SHANK2: variants seen among roughly 807,000 people sequenced by gnomAD.
SHANK2 encodes SH3 and multiple ankyrin repeat domains protein 2.
In SHANK2, 43 loss-of-function variants were observed where a neutral mutation model predicts 133.7. The ratio of observed to expected loss-of-function variants is 0.32; its 90% CI spans 0.25 to 0.41. SHANK2 has a LOEUF of 0.41. SHANK2 is among the 10% of genes least tolerant of loss of function. The pLI, the probability that SHANK2 is intolerant of heterozygous loss-of-function variation, is 1.00. For missense variants in SHANK2, 1,994 were observed against 2,235.8 expected (o/e 0.89, Z 2.18); for synonymous variants, 1,017 against 952.8 (o/e 1.07, Z -1.24).
chr11:70,760,475 C>T (rs1163163253), intron 14 of SHANK2, among the ~76,000 whole-genome samples: 1 of 152,214 alleles, frequency 6.6e-6, no homozygotes, highest in African/African-American at 2.4e-5. Context: ...TGGAGGCCAT[C>T]GTAATCTAAG....
intron 2 of SHANK2, among the ~76,000 whole-genome samples, chr11:71,208,687 T>C (rs531016493): frequency 6.6e-6 from 1 of 152,248 alleles, no homozygotes; most frequent in South Asian, 2.1e-4. Flanking sequence ...CCAATTCCCC[T>C]AGGTGTGATC....
chr11:70,772,804 T>G (rs1379881333), intron 14 of SHANK2, among the ~76,000 whole-genome samples: 1 of 152,220 alleles, frequency 6.6e-6, no homozygotes, highest in Non-Finnish European at 1.5e-5. Context: ...CAGATTTTCT[T>G]TGCCCTGTCG....
At chr11:70,544,357 G>A (rs73522161) in intron 17 of SHANK2, among the ~76,000 whole-genome samples, 28,194 of 152,196 alleles carry the variant, frequency 0.19, 3,144 homozygotes, top group African/African-American at 0.29. Context: ...GGAGCCCCAC[G>A]CGTAGGACCT....
chr11:71,121,551 C>T (rs1952084659), intron 3 of SHANK2, among the ~76,000 whole-genome samples: 2 of 152,214 alleles, frequency 1.3e-5, no homozygotes, highest in African/African-American at 4.8e-5. Flanking sequence ...TTTTGCTGTG[C>T]AGAAGCTCTT....
chr11:70,661,802 C>A, intron 15 of SHANK2, 124 bp from the exon 16 acceptor site: 1 of 1,612,726 alleles, frequency 6.2e-7, no homozygotes, highest in South Asian at 1.1e-5. Context: ...CAGATCCAGG[C>A]AGCATGGAGG....
intron 14 of SHANK2, among the ~76,000 whole-genome samples, chr11:70,732,513 C>A (rs1946312297): frequency 6.6e-6 from 1 of 152,308 alleles, no homozygotes; most frequent in African/African-American, 2.4e-5. Flanking sequence ...GGATTTTTTT[C>A]TGTGTCCCCC....
intron 9 of SHANK2, among the ~76,000 whole-genome samples, chr11:71,057,250 C>A (rs1950931893): frequency 6.6e-6 from 1 of 152,180 alleles, no homozygotes; most frequent in South Asian, 2.1e-4. Flanking sequence ...AGGAGAATCA[C>A]TTGAACCCAG....
At chr11:71,118,126 C>T (rs1952013798) in intron 4 of SHANK2, among the ~76,000 whole-genome samples, 1 of 152,132 alleles carries the variant, frequency 6.6e-6, no homozygotes, top group Admixed American at 6.5e-5. Context: ...GAGCCCCGTT[C>T]TCCATGCCCA....
At chr11:70,731,498 C>T (rs1222508181) in intron 14 of SHANK2, among the ~76,000 whole-genome samples, 1 of 152,216 alleles carries the variant, frequency 6.6e-6, no homozygotes, top group Non-Finnish European at 1.5e-5. Flanking sequence ...AATGGAATCA[C>T]ACAGTACACA....
chr11:71,171,078 G>A (rs1244841073), intron 2 of SHANK2, among the ~76,000 whole-genome samples: 3 of 152,176 alleles, frequency 2.0e-5, no homozygotes, highest in East Asian at 1.9e-4. Context: ...CTCTCAGCAC[G>A]GCCTCGTCTT....
rs151104075 is a variant in SHANK2, at chr11:70,605,267, C to T, written c.2061+54561G>A. 9.6e-3 allele frequency among the ~76,000 whole-genome samples: 1,464 copies of T among 152,340 alleles called. 10 individuals carry two copies. The highest frequency in any genetic ancestry group is 0.014 in the Non-Finnish European group (962 of 68,028). ...CTGGCCACTCCATCGTTGTGAGCCC[C>T]GGGGGTGGGAACACCCAGAGTGAGA... On this transcript the variant is annotated intron_variant, in intron 17 of 25. Coordinates refer to ENST00000601538, the MANE Select transcript of SHANK2 (RefSeq NM_012309.5).
chr11:70,667,040 G>A (rs1944691578), intron 15 of SHANK2, among the ~76,000 whole-genome samples: 1 of 152,018 alleles, frequency 6.6e-6, no homozygotes, highest in South Asian at 2.1e-4. Flanking sequence ...TGCAGGTTGT[G>A]CACTGTACAA....
At chr11:70,587,915 T>C (rs1741110864) in intron 17 of SHANK2, among the ~76,000 whole-genome samples, 1 of 152,170 alleles carries the variant, frequency 6.6e-6, no homozygotes, top group Non-Finnish European at 1.5e-5. Flanking sequence ...TAGCATGTGC[T>C]CACTTCATGT....
chr11:70,718,023 T>G (rs1945980873), intron 14 of SHANK2, among the ~76,000 whole-genome samples: 1 of 152,140 alleles, frequency 6.6e-6, no homozygotes, highest in African/African-American at 2.4e-5. Context: ...TCCTTCCACT[T>G]CCCACTGTAC....
At chr11:70,750,081 C>T (rs1294410105) in intron 14 of SHANK2, among the ~76,000 whole-genome samples, 1 of 152,176 alleles carries the variant, frequency 6.6e-6, no homozygotes, top group African/African-American at 2.4e-5. Context: ...TGGGCAGATG[C>T]TGTTATTTAT....
In SHANK2 at chr11:70,479,648, C is replaced by T. The variant is rs1555151003; in HGVS notation, c.4979+5666G>A. Reference sequence around the variant, plus strand: ...CTGGGGAACTCTTATAGGCCATGCACCCTAACAGAAGCCATGGGGGACCCC... The same window carrying T: ...CTGGGGAACTCTTATAGGCCATGCATCCTAACAGAAGCCATGGGGGACCCC... On this transcript the variant is annotated intron_variant, in intron 25 of 25. Coordinates refer to ENST00000601538, the MANE Select transcript of SHANK2 (RefSeq NM_012309.5). This position sits in a 1 kb window ranked among gnomAD's most constrained non-coding sequence, Gnocchi z 4.4. Among the ~76,000 whole-genome samples the T allele has an allele frequency of 2.0e-5, 3 of 152,242 alleles. No homozygotes were observed. The highest frequency in any genetic ancestry group is 3.8e-4 in the East Asian group (2 of 5,202).
At chr11:71,244,699 C>T (rs782477248) in intron 1 of SHANK2, among the ~76,000 whole-genome samples, 1 of 152,112 alleles carries the variant, frequency 6.6e-6, no homozygotes, top group African/African-American at 2.4e-5. Flanking sequence ...CTCTTCTCAC[C>T]AAGTGTTTTT....
At chr11:70,547,551 G>A (rs549620018) in intron 17 of SHANK2, among the ~76,000 whole-genome samples, 80 of 152,226 alleles carry the variant, frequency 5.3e-4, no homozygotes, top group Non-Finnish European at 6.9e-4. Context: ...ATGAGCCACC[G>A]CACCTGTCCT....
chr11:71,065,621 G>T (rs1269387515), intron 9 of SHANK2, among the ~76,000 whole-genome samples: 3 of 126,656 alleles, frequency 2.4e-5, no homozygotes, highest in South Asian at 2.8e-4. Flanking sequence ...GTTGCAGGGG[G>T]GTGTGTGCAG....
Sources: allele counts gnomAD v4.1 joint callset (sites outside exome capture counted in the v4.1 genomes callset), GRCh38; gene constraint gnomAD v4.1.1; non-coding constraint Gnocchi (gnomAD v3.1); transcripts MANE v1.5; gene names NCBI Gene and HGNC (gene_info 2026-07-23, HGNC 2026-07-21).